SGCD: variants seen among roughly 807,000 people sequenced by gnomAD.
SGCD encodes sarcoglycan delta, also known as delta-sarcoglycan.
In SGCD, 18 loss-of-function variants were observed where a neutral mutation model predicts 36.6. The ratio of observed to expected loss-of-function variants is 0.49; its 90% CI spans 0.34 to 0.73. The LOEUF is 0.73. SGCD is among the 30% of genes least tolerant of loss of function. The pLI is 0.01. For missense variants in SGCD, 387 were observed against 346.7 expected, an observed-to-expected ratio of 1.12 and a Z score of -0.92; for synonymous variants, 133 against 130.6, an observed-to-expected ratio of 1.02 and a Z score of -0.12.
chr5:155,790,039 T>C, the SGCD span, among the ~76,000 whole-genome samples: 10 of 152,226 alleles, frequency 6.6e-5, no homozygotes, highest in African/African-American at 2.4e-4. Context: ...TTACCTTGAT[T>C]ATATTCTCTG....
At chr5:156,243,310 T>C (rs1329763610) in intron 3 of SGCD, among the ~76,000 whole-genome samples, 1 of 152,150 alleles carries the variant, frequency 6.6e-6, no homozygotes. Context: ...ATGTGGGATG[T>C]TGGAATCTCA....
chr5:156,440,302 T>C (rs1418986403), intron 3 of SGCD, among the ~76,000 whole-genome samples: 3 of 152,166 alleles, frequency 2.0e-5, no homozygotes, highest in Non-Finnish European at 4.4e-5. Flanking sequence ...TACTTTATTC[T>C]TTTTTATTGC....
chr5:156,252,557 G>A (rs1765609441), intron 3 of SGCD, among the ~76,000 whole-genome samples: 1 of 152,152 alleles, frequency 6.6e-6, no homozygotes, highest in Non-Finnish European at 1.5e-5. Flanking sequence ...TTGGCAAATG[G>A]AATTCCTTTC....
the SGCD span, among the ~76,000 whole-genome samples, chr5:155,796,583 C>G: frequency 3.3e-5 from 5 of 151,616 alleles, no homozygotes; most frequent in African/African-American, 1.2e-4. Context: ...GTGGGTGGAT[C>G]ACCTGAGGTC....
chr5:156,396,877 C>T (rs1771882009), intron 3 of SGCD, among the ~76,000 whole-genome samples: 1 of 152,204 alleles, frequency 6.6e-6, no homozygotes, highest in Admixed American at 6.5e-5. Context: ...CCCATACCTA[C>T]AGGTAGTAAG....
intron 4 of SGCD, among the ~76,000 whole-genome samples, chr5:156,538,374 T>G (rs1275965994): frequency 6.6e-6 from 1 of 152,094 alleles, no homozygotes; most frequent in Non-Finnish European, 1.5e-5. Flanking sequence ...CCTTAAGAAT[T>G]TGAAAATGTA....
chr5:156,440,843 A>G (rs543600730), intron 3 of SGCD, among the ~76,000 whole-genome samples: 2 of 152,110 alleles, frequency 1.3e-5, no homozygotes, highest in Admixed American at 6.6e-5. Flanking sequence ...TTCTTTATAT[A>G]TTCTAGATAC....
intron 3 of SGCD, among the ~76,000 whole-genome samples, chr5:156,204,336 T>C (rs929026763): frequency 2.0e-5 from 3 of 152,058 alleles, no homozygotes; most frequent in African/African-American, 7.2e-5. Flanking sequence ...GAATCAGATA[T>C]AATTAATTCA....
intron 2 of SGCD, among the ~76,000 whole-genome samples, chr5:156,330,713 A>G (rs1451582345): frequency 6.6e-6 from 1 of 152,166 alleles, no homozygotes; most frequent in East Asian, 1.9e-4. Context: ...GACTTCATAC[A>G]TGTGTTAACC....
intron 3 of SGCD, among the ~76,000 whole-genome samples, chr5:156,174,397 T>C (rs909227503): frequency 5.3e-5 from 8 of 151,944 alleles, no homozygotes; most frequent in African/African-American, 1.9e-4. Flanking sequence ...AAACAGTAGG[T>C]CATGTGGCTG....
At chr5:156,387,963 C>T (rs537012120) in intron 3 of SGCD, among the ~76,000 whole-genome samples, 4 of 152,302 alleles carry the variant, frequency 2.6e-5, no homozygotes, top group African/African-American at 9.6e-5. Flanking sequence ...TATTTCAACT[C>T]TTCATCTCAG....
intron 1 of SGCD, among the ~76,000 whole-genome samples, chr5:155,957,738 T>G (rs1414095622): frequency 1.3e-5 from 2 of 152,128 alleles, no homozygotes; most frequent in Non-Finnish European, 2.9e-5. Context: ...AGCCTTATTT[T>G]AAGGTCAACT....
intron 7 of SGCD, among the ~76,000 whole-genome samples, chr5:156,711,105 A>G (rs1268210533): frequency 6.6e-6 from 1 of 152,150 alleles, no homozygotes; most frequent in Non-Finnish European, 1.5e-5. Flanking sequence ...TGAATTACCA[A>G]GGGAGAAGCA....
intron 1 of SGCD, among the ~76,000 whole-genome samples, chr5:156,098,010 C>T (rs1308196530): frequency 1.3e-5 from 2 of 152,072 alleles, no homozygotes; most frequent in Non-Finnish European, 2.9e-5. Flanking sequence ...CCTGCAAGGG[C>T]AGGAGTTTCC....
chr5:155,846,185 G>T, the SGCD span, among the ~76,000 whole-genome samples: 1 of 152,096 alleles, frequency 6.6e-6, no homozygotes, highest in Non-Finnish European at 1.5e-5. Context: ...AAACCTTAGC[G>T]TATTCGTCTT....
At chr5:155,872,382 C>T (rs935027026) in intron 1 of SGCD, among the ~76,000 whole-genome samples, 3 of 151,700 alleles carry the variant, frequency 2.0e-5, no homozygotes, top group Non-Finnish European at 4.4e-5. Flanking sequence ...CACACACACA[C>T]ACACTCTCAT....
At chr5:155,783,181 T>A in the SGCD span, among the ~76,000 whole-genome samples, 2 of 152,214 alleles carry the variant, frequency 1.3e-5, no homozygotes, top group Non-Finnish European at 2.9e-5. Flanking sequence ...GTATGTGCTA[T>A]ATGTACAGAA....
chr5:155,833,277 A>C, the SGCD span, among the ~76,000 whole-genome samples: 2 of 152,122 alleles, frequency 1.3e-5, no homozygotes, highest in Non-Finnish European at 2.9e-5. Flanking sequence ...AGTATAAAGA[A>C]GTAATCACTG....
intron 4 of SGCD, among the ~76,000 whole-genome samples, chr5:156,564,439 G>C (rs1759395206): frequency 3.9e-5 from 6 of 152,098 alleles, no homozygotes; most frequent in Admixed American, 3.9e-4. Context: ...GACAGAGCAA[G>C]ACTCCATCTC....
Sources: gnomAD v4.1 joint callset for allele counts (sites outside exome capture counted in the v4.1 genomes callset) on GRCh38, gnomAD v4.1.1 for gene constraint, MANE v1.5 for transcripts, NCBI Gene and HGNC (gene_info 2026-07-23, HGNC 2026-07-21) for gene names.